The following RIPOR1 variants were observed in gnomAD, a reference collection of about 807,000 sequenced individuals.
RIPOR1 encodes the protein RHO family interacting cell polarization regulator 1, also known as rho family-interacting cell polarization regulator 1.
Under a neutral mutation model 116.5 loss-of-function variants are expected in RIPOR1, and 58 were observed. That is an observed-to-expected ratio of 0.50 (90% CI 0.40 to 0.62). The LOEUF is 0.62. RIPOR1 is among the 20% of genes least tolerant of loss of function. The probability of loss-of-function intolerance (pLI) is 0.00; values close to 1 mark genes in which losing one functional copy is unlikely to be tolerated. For synonymous variants in RIPOR1, 605 were observed against 650.0 expected (o/e 0.93, Z 1.05); for missense variants, 1,372 against 1,586.2 (o/e 0.86, Z 2.29).
Position 67,540,295 on chromosome 16 carries a change from C to T in RIPOR1, c.568-5C>T. The T allele has an allele frequency of 3.7e-6, 6 of 1,614,102 alleles. 1 individual carries two copies. In the South Asian group the frequency reaches 6.6e-5, roughly 18 times the overall value. On this transcript the variant is annotated splice_polypyrimidine_tract_variant and splice_region_variant and intron_variant, in intron 7 of 21. Transcript: ENST00000042381. This position sits in a 1 kb window ranked among gnomAD's most constrained non-coding sequence, Gnocchi z 4.7. ...CCCCCTCCTGTCCCTGCCCCTCCCT[C>T]CCAGAGCATGTGTCTGCTGGAGAGC...
Position 67,545,169 on chromosome 16 carries a change from A to C in RIPOR1, c.3031+52A>C, listed in dbSNP as rs769388698. The C allele has an allele frequency of 6.3e-7, 1 of 1,595,174 alleles. No individual in the cohort carries two copies. The highest frequency in any genetic ancestry group is 1.3e-5 in the African/African-American group (1 of 74,882). The stretch of plus-strand genomic sequence containing the variant: ...CCTTGCTCAGATTCCCAGTGACAGG[A>C]AGCTCGGGGAAGCCAGGTCAGCCCA... On this transcript the variant is annotated intron_variant, in intron 17 of 21. Coordinates refer to ENST00000042381, the MANE Select transcript of RIPOR1 (RefSeq NM_024519.4). This position sits in a 1 kb window ranked among gnomAD's most constrained non-coding sequence, Gnocchi z 4.8.
At position 67,540,741 on chromosome 16, in the gene RIPOR1, C is replaced by A; in HGVS notation, c.801+37C>A. 1 of 1,547,134 alleles carries A rather than the reference C, an allele frequency of 6.5e-7. No homozygotes were observed. The highest frequency in any genetic ancestry group is 8.7e-7 in the Non-Finnish European group (1 of 1,147,036). ...GCCCAGGACGGCAGGCCACCATGGC[C>A]CTGTGAACCCCTTGTGACCCCCATT... On this transcript the variant is annotated intron_variant, in intron 10 of 21. Coordinates refer to ENST00000042381, the MANE Select transcript of RIPOR1 (RefSeq NM_024519.4). The surrounding 1 kb of genome is among the most constrained non-coding windows in gnomAD (Gnocchi z 4.7).
intron 1 of RIPOR1, among the ~76,000 whole-genome samples, chr16:67,535,628 G>A (rs1324751454): frequency 6.6e-6 from 1 of 152,234 alleles, no homozygotes; most frequent in Non-Finnish European, 1.5e-5. Flanking sequence ...CTTGGCACAA[G>A]GTTGCCACTC....
At position 67,544,575 on chromosome 16, in the gene RIPOR1, GA is replaced by G; in HGVS notation, c.2734-119del. 1 of 1,545,090 alleles carries G rather than the reference GA, an allele frequency of 6.5e-7. No individual in the cohort carries two copies. Among genetic ancestry groups the G allele is most frequent in the Non-Finnish European group, 8.8e-7 (1 of 1,138,608 alleles). On this transcript the variant is annotated intron_variant, in intron 15 of 21. Transcript: ENST00000042381. This position sits in a 1 kb window ranked among gnomAD's most constrained non-coding sequence, Gnocchi z 5.1. ...CTTGGCATCTGGCCCTTGCTGAATG[GA>G]GTATCTCCCAACTCTGCAACCCCAA...
At chr16:67,524,701 G>A (rs747615200), upstream of RIPOR1, among the ~76,000 whole-genome samples, 26 of 152,090 alleles carry the variant, frequency 1.7e-4, no homozygotes, top group Non-Finnish European at 3.5e-4. Flanking sequence ...GCCTCATCTG[G>A]GATGTCTCCC....
In RIPOR1 at chr16:67,546,281, T is replaced by TG. The variant is rs1597661248; in HGVS notation, c.3562+51dup. 13 of 1,609,756 alleles carry TG rather than the reference T, an allele frequency of 8.1e-6. No homozygotes were observed. In the East Asian group the frequency reaches 2.9e-4, roughly 36 times the overall value. On this transcript the variant is annotated intron_variant, in intron 21 of 21. Transcript: ENST00000042381. Reference sequence around the variant, plus strand: ...GGGTGGAGTTCTGGGACATCTTGGCTGATGGGAGTAGGAGAGATGGCGCCA... The same window carrying TG: ...GGGTGGAGTTCTGGGACATCTTGGCTGGATGGGAGTAGGAGAGATGGCGCCA...
In RIPOR1 at chr16:67,543,865, T is replaced by A; in HGVS notation, c.2600+396T>A. ...GGGACCCCAGCACTGCCCCACTCCT[T>A]CTCAACCCCGACTCTCCCAGAGGCC... On this transcript the variant is annotated intron_variant, in intron 14 of 21. Coordinates refer to ENST00000042381, the MANE Select transcript of RIPOR1 (RefSeq NM_024519.4). The surrounding 1 kb of genome is among the most constrained non-coding windows in gnomAD (Gnocchi z 4.7). 2.8e-6 allele frequency: 1 copy of A among 351,460 alleles called. No individual in the cohort carries two copies. The highest frequency in any genetic ancestry group is 4.1e-5 in the Admixed American group (1 of 24,108). 21.8% of individuals were successfully genotyped at this position (351,460 alleles called of 1,614,324 possible). A position where few individuals can be genotyped will look rare whatever the true frequency, so the allele number is the denominator to read the frequency against.
chr16:67,542,852 G>T lies in RIPOR1; in HGVS notation c.2066G>T (p.Ser689Ile). Residue 689 changes from serine to isoleucine, a missense_variant, in exon 13 of 22, where the codon AGC becomes ATC. By Grantham distance (142) the Ser-to-Ile change is moderately radical. Coordinates refer to ENST00000042381, the MANE Select transcript of RIPOR1 (RefSeq NM_024519.4). This position sits in a 1 kb window ranked among gnomAD's most constrained non-coding sequence, Gnocchi z 4.6. ...STSLELATLSSPSKHSDPTLP... is the reference protein window; with the variant it reads ...STSLELATLSIPSKHSDPTLP... ...TCTCTAGAACTTGCTACCCTCTCCA[G>T]CCCCTCCAAACACTCAGACCCCACC... 1.2e-6 allele frequency: 2 copies of T among 1,613,444 alleles called. No homozygotes were observed. Among genetic ancestry groups the T allele is most frequent in the Non-Finnish European group, 1.7e-6 (2 of 1,179,900 alleles).
At position 67,537,499 on chromosome 16, in the gene RIPOR1, C is replaced by G. The variant is rs2050827028; in HGVS notation, c.-23-925C>G. On this transcript the variant is annotated intron_variant, in intron 1 of 21. Transcript: ENST00000042381. The surrounding 1 kb of genome is among the most constrained non-coding windows in gnomAD (Gnocchi z 4.6). ...GAGCCGCTGGGAGCGAGCCCGGAGCCCAGCCGGGCGGCTCGAAGTGGCCAG... is the reference window on the plus strand; with the variant it reads ...GAGCCGCTGGGAGCGAGCCCGGAGCGCAGCCGGGCGGCTCGAAGTGGCCAG... 2 of 1,268,748 alleles carry G rather than the reference C, an allele frequency of 1.6e-6. No homozygotes were observed. The highest frequency in any genetic ancestry group is 5.3e-5 in the South Asian group (2 of 37,944). 78.6% of individuals were successfully genotyped at this position (1,268,748 alleles called of 1,614,324 possible). A position where few individuals can be genotyped will look rare whatever the true frequency, so the allele number is the denominator to read the frequency against.
rs139082757 is a variant in RIPOR1 at position 67,538,695 on chromosome 16, C to A, written c.128C>A (p.Pro43Gln). 2.5e-6 allele frequency: 4 copies of A among 1,613,038 alleles called. No individual in the cohort carries two copies. Among genetic ancestry groups the A allele is most frequent in the Non-Finnish European group, 2.5e-6 (3 of 1,179,816 alleles). ...GPRSFPVFSP[P>Q]GPPRKPPALS... ...AGGAGTTTCCCGGTCTTCAGCCCGC[C>A]GGGGCCCCCACGGAAGCCCCCCGCG... Residue 43 changes from proline (P) to glutamine (Q), a missense_variant, in exon 3 of 22, where the codon CCG becomes CAG. Pro to Gln is a moderately conservative substitution (Grantham distance 76). Coordinates refer to ENST00000042381, the MANE Select transcript of RIPOR1 (RefSeq NM_024519.4).
chr16:67,538,984 C>T lies in RIPOR1; in HGVS notation c.258-6C>T, dbSNP rs772010535. On this transcript the variant is annotated splice_region_variant and splice_polypyrimidine_tract_variant and intron_variant, in intron 3 of 21. Coordinates refer to ENST00000042381, the MANE Select transcript of RIPOR1 (RefSeq NM_024519.4). ...AGTTCATTCTTGTGGTCGCCCCTTT[C>T]CTCAGGGCCTACTTGGAAGTGCACC... The T allele has an allele frequency of 6.2e-7, 1 of 1,613,958 alleles. No homozygotes were observed. Among genetic ancestry groups the T allele is most frequent in the East Asian group, 2.2e-5 (1 of 44,878 alleles).
rs1424357752 is a variant in RIPOR1 at position 67,537,370 on chromosome 16, C to A, written c.-23-1054C>A. The stretch of plus-strand genomic sequence containing the variant: ...CCCCTCGCCCCCCGTCGGTCCCCTC[C>A]CCGAGGGGAACCCCAGTCACCGGTC... On this transcript the variant is annotated intron_variant, in intron 1 of 21. Transcript: ENST00000042381. The surrounding 1 kb of genome is among the most constrained non-coding windows in gnomAD (Gnocchi z 4.6). The A allele has an allele frequency of 8.1e-7, 1 of 1,228,904 alleles. No homozygotes were observed. 76.1% of individuals were successfully genotyped at this position (1,228,904 alleles called of 1,614,324 possible). A position where few individuals can be genotyped will look rare whatever the true frequency, so the allele number is the denominator to read the frequency against.
At chr16:67,524,246 G>A (rs949961127), upstream of RIPOR1, among the ~76,000 whole-genome samples, 1 of 152,210 alleles carries the variant, frequency 6.6e-6, no homozygotes, top group African/African-American at 2.4e-5. Flanking sequence ...TGAATGTGGA[G>A]CAGCATCCCT....
rs551353238 is a variant in RIPOR1, at chr16:67,537,392, G to C, written c.-23-1032G>C. 4.1e-6 allele frequency: 5 copies of C among 1,229,650 alleles called. No homozygotes were observed. Among genetic ancestry groups the C allele is most frequent in the Non-Finnish European group, 5.1e-6 (5 of 986,152 alleles). The allele number at this position is 1,229,650 out of a possible 1,614,324, so 76.2% of individuals were successfully genotyped here. A position where few individuals can be genotyped will look rare whatever the true frequency, so the allele number is the denominator to read the frequency against. The stretch of plus-strand genomic sequence containing the variant: ...CTCCCCGAGGGGAACCCCAGTCACC[G>C]GTCCCGCCCCATCCAGGCGGGCTGA... On this transcript the variant is annotated intron_variant, in intron 1 of 21. Coordinates refer to ENST00000042381, the MANE Select transcript of RIPOR1 (RefSeq NM_024519.4). The surrounding 1 kb of genome is among the most constrained non-coding windows in gnomAD (Gnocchi z 4.6).
At position 67,539,871 on chromosome 16, in the gene RIPOR1, T is replaced by G; in HGVS notation, c.386T>G (p.Leu129Arg). The stretch of plus-strand genomic sequence containing the variant: ...CAAGTCAAGTCCATTGAACGCTTCC[T>G]GCGACGACTGGAGTTCCATGCCAGC... Reference protein sequence around the residue: ...DKQVKSIERFLRRLEFHASKI... With the variant: ...DKQVKSIERFRRRLEFHASKI... The change falls in exon 6 of 22, where the codon CTG becomes CGG. Residue 129 changes from leucine (L) to arginine (R), a missense_variant. Around this residue, in one of 3 missense-constraint regions of RIPOR1, gnomAD observed 202 missense variants for 295.9 expected, o/e 0.68. Coordinates refer to ENST00000042381, the MANE Select transcript of RIPOR1 (RefSeq NM_024519.4). The G allele has an allele frequency of 6.2e-7, 1 of 1,614,174 alleles. No homozygotes were observed. The highest frequency in any genetic ancestry group is 8.5e-7 in the Non-Finnish European group (1 of 1,180,018).
chr16:67,540,841 G>T lies in RIPOR1; in HGVS notation c.801+137G>T, dbSNP rs546147585. ...GAAGATATGATTCCATGACCTTCAT[G>T]ATCTCTGTGGCCCTGAGAGGAACAA... On this transcript the variant is annotated intron_variant, in intron 10 of 21. Coordinates refer to ENST00000042381, the MANE Select transcript of RIPOR1 (RefSeq NM_024519.4). The surrounding 1 kb of genome is among the most constrained non-coding windows in gnomAD (Gnocchi z 4.7). 4.0e-5 allele frequency: 38 copies of T among 956,954 alleles called. No individual in the cohort carries two copies. The South Asian group carries it at 6.1e-4, about 15-fold the overall frequency. The allele number at this position is 956,954 out of a possible 1,614,324, so 59.3% of individuals were successfully genotyped here. A position where few individuals can be genotyped will look rare whatever the true frequency, so the allele number is the denominator to read the frequency against.
chr16:67,519,386 C>T (rs988855548), intron 1 of RIPOR1, among the ~76,000 whole-genome samples: 4 of 151,888 alleles, frequency 2.6e-5, no homozygotes, highest in Admixed American at 6.6e-5. Flanking sequence ...GCTGGAACTA[C>T]GCCCTCCTAA....
intron 1 of RIPOR1, among the ~76,000 whole-genome samples, chr16:67,522,931 C>T (rs913188639): frequency 2.0e-5 from 3 of 152,290 alleles, no homozygotes; most frequent in South Asian, 4.1e-4. Context: ...ACCAACCTGA[C>T]GAAAGCAGCC....
chr16:67,539,192 G>A (rs1294846796), intron 4 of RIPOR1, 124 bp downstream of exon 4: 2 of 807,732 alleles, frequency 2.5e-6, no homozygotes, highest in African/African-American at 3.5e-5. Context: ...TAGAAAAGGG[G>A]ATATCAGGAA....
Sources: gnomAD v4.1 joint callset for allele counts (sites outside exome capture counted in the v4.1 genomes callset) on GRCh38, gnomAD v4.1.1 for gene constraint, gnomAD v4.1.1 regional missense constraint, Gnocchi (gnomAD v3.1) non-coding constraint, MANE v1.5 for transcripts, NCBI Gene and HGNC (gene_info 2026-07-23, HGNC 2026-07-21) for gene names.